Variants in CHN2 observed in about 807,000 individuals in gnomAD.
CHN2 encodes the protein beta-chimaerin.
A neutral mutation model predicts 56.3 loss-of-function variants in CHN2; 35 were observed. The ratio of observed to expected loss-of-function variants is 0.62; its 90% CI spans 0.47 to 0.82. CHN2 has a LOEUF of 0.82. CHN2 is among the 40% of genes least tolerant of loss of function. The pLI is 0.00. For missense variants in CHN2, 491 were observed against 580.5 expected, an observed-to-expected ratio of 0.85 and a Z score of 1.58; for synonymous variants, 210 against 212.8, an observed-to-expected ratio of 0.99 and a Z score of 0.12.
chr7:29,298,428 A>C (rs150089003), intron 1 of CHN2, among the ~76,000 whole-genome samples: 2 of 152,312 alleles, frequency 1.3e-5, no homozygotes, highest in African/African-American at 4.8e-5. Context: ...TTATAAGCCG[A>C]ATGCTAAGGT....
At chr7:29,451,121 C>T (rs983952456) in intron 6 of CHN2, among the ~76,000 whole-genome samples, 1 of 152,106 alleles carries the variant, frequency 6.6e-6, no homozygotes, top group Admixed American at 6.6e-5. Flanking sequence ...CAACAACGCA[C>T]CCCCACCACC....
intron 1 of CHN2, among the ~76,000 whole-genome samples, chr7:29,271,226 C>G (rs1292360682): frequency 2.0e-5 from 3 of 152,130 alleles, no homozygotes; most frequent in African/African-American, 2.4e-5. Flanking sequence ...TGTGGTAGGT[C>G]CCTGCCTAAC....
intron 1 of CHN2, among the ~76,000 whole-genome samples, chr7:29,324,424 G>A (rs561277477): frequency 1.3e-5 from 2 of 152,140 alleles, no homozygotes; most frequent in African/African-American, 4.8e-5. Flanking sequence ...TGGCCCAAAA[G>A]CCCAGGAATA....
At chr7:29,238,497 C>A (rs764010867) in intron 1 of CHN2, among the ~76,000 whole-genome samples, 11 of 152,024 alleles carry the variant, frequency 7.2e-5, no homozygotes, top group Non-Finnish European at 1.3e-4. Context: ...ATATATTGAT[C>A]ATGAGCTATG....
intron 1 of CHN2, among the ~76,000 whole-genome samples, chr7:29,294,113 G>A (rs1792925944): frequency 1.3e-5 from 2 of 151,984 alleles, no homozygotes; most frequent in African/African-American, 4.8e-5. Context: ...TGATCTGCCC[G>A]CCTCGGCCTC....
intron 1 of CHN2, among the ~76,000 whole-genome samples, chr7:29,220,070 G>T (rs1291967554): frequency 2.1e-5 from 3 of 144,074 alleles, no homozygotes; most frequent in African/African-American, 8.0e-5. Flanking sequence ...GCAAGACTCT[G>T]TCTCAAAAAA....
At chr7:29,481,605 T>G (rs934368785) in intron 7 of CHN2, among the ~76,000 whole-genome samples, 3 of 151,970 alleles carry the variant, frequency 2.0e-5, no homozygotes, top group African/African-American at 7.2e-5. Context: ...CTTTTCATAT[T>G]TCTCCCGTCA....
At chr7:29,179,459 A>G (rs1037990182) in intron 2 of CHN2, among the ~76,000 whole-genome samples, 2 of 152,104 alleles carry the variant, frequency 1.3e-5, no homozygotes, top group African/African-American at 4.8e-5. Flanking sequence ...TTTTTTGACC[A>G]CTCTCAGATG....
intron 4 of CHN2, chr7:29,397,189 T>C (rs2128080541): frequency 6.6e-6 from 1 of 152,350 alleles, no homozygotes; most frequent in South Asian, 2.1e-4. Flanking sequence ...TCACTTTCCT[T>C]GGACAGAAGC....
chr7:29,274,469 C>T (rs987338607), intron 1 of CHN2, among the ~76,000 whole-genome samples: 2 of 152,234 alleles, frequency 1.3e-5, no homozygotes, highest in African/African-American at 4.8e-5. Context: ...TTATCCAACT[C>T]ATCTGCTATT....
intron 6 of CHN2, among the ~76,000 whole-genome samples, chr7:29,463,461 G>A (rs1785321682): frequency 6.6e-6 from 1 of 152,070 alleles, no homozygotes; most frequent in Admixed American, 6.6e-5. Flanking sequence ...TTCTCCTTAG[G>A]GTCTCGGCTT....
intron 1 of CHN2, among the ~76,000 whole-genome samples, chr7:29,215,414 T>G (rs114868281): frequency 0.013 from 2,004 of 152,272 alleles, 41 homozygotes; most frequent in African/African-American, 0.045. Flanking sequence ...AATGTCACAG[T>G]CTTGGGAGGC....
chr7:29,222,503 A>G (rs1390930293), intron 1 of CHN2, among the ~76,000 whole-genome samples: 1 of 92,788 alleles, frequency 1.1e-5, no homozygotes, highest in African/African-American at 4.3e-5. Flanking sequence ...AGACACACAG[A>G]GCAATGGAAT....
intron 3 of CHN2, among the ~76,000 whole-genome samples, chr7:29,377,734 T>C (rs1800184999): frequency 6.6e-6 from 1 of 152,238 alleles, no homozygotes; most frequent in Non-Finnish European, 1.5e-5. Flanking sequence ...GTAATAATCT[T>C]CTTTGGCTAT....
intron 6 of CHN2, chr7:29,479,772 C>T (rs926162765): frequency 5.4e-5 from 64 of 1,190,394 alleles, no homozygotes; most frequent in African/African-American, 7.8e-5. Context: ...CAATGTGCTG[C>T]GGCAGGAGAA....
intron 1 of CHN2, among the ~76,000 whole-genome samples, chr7:29,279,331 G>A (rs1052843938): frequency 2.0e-5 from 3 of 152,222 alleles, no homozygotes; most frequent in African/African-American, 7.2e-5. Flanking sequence ...TCTTAATAGG[G>A]ATACCACAAA....
At chr7:29,152,616 C>T (rs1228792251) in intron 2 of CHN2, among the ~76,000 whole-genome samples, 1 of 152,126 alleles carries the variant, frequency 6.6e-6, no homozygotes, top group Admixed American at 6.5e-5. Context: ...CCCATCCACC[C>T]CACCCAGAGA....
At chr7:29,183,106 C>T (rs565244313) in intron 2 of CHN2, among the ~76,000 whole-genome samples, 26 of 120,944 alleles carry the variant, frequency 2.1e-4, no homozygotes, top group South Asian at 7.8e-4. Flanking sequence ...TTTTTTGAAA[C>T]GGAGTTTCGC....
In CHN2 at chr7:29,442,934, C is replaced by CTTTTTTTTTTTTTTTTTTTT. The variant is rs541792526; in HGVS notation, c.577-37328_577-37327insTTTTTTTTTTTTTTTTTTTT. Among the ~76,000 whole-genome samples the CTTTTTTTTTTTTTTTTTTTT allele has an allele frequency of 4.3e-4, 44 of 103,054 alleles. 5 individuals carry two copies. Among genetic ancestry groups the CTTTTTTTTTTTTTTTTTTTT allele is most frequent in the African/African-American group, 5.7e-4 (12 of 21,036 alleles). 67.6% of individuals were successfully genotyped at this position (103,054 alleles called of 152,430 possible). On this transcript the variant is annotated intron_variant, in intron 6 of 12. Coordinates refer to ENST00000222792, the MANE Select transcript of CHN2 (RefSeq NM_004067.4). ...CATCGCTTTCAATTTCATTGAATTT[C>CTTTTTTTTTTTTTTTTTTTT]TTTTTTTTTTTTTTTTTGAGACGGA...
Sources: gnomAD v4.1 joint callset for allele counts (sites outside exome capture counted in the v4.1 genomes callset) on GRCh38, gnomAD v4.1.1 for gene constraint, MANE v1.5 for transcripts, NCBI Gene and HGNC (gene_info 2026-07-23, HGNC 2026-07-21) for gene names.